The following WASF3 variants were observed in gnomAD, a reference collection of about 807,000 sequenced individuals.
WASF3 encodes WASP family member 3.
Under a neutral mutation model 46.6 loss-of-function variants are expected in WASF3, and 11 were observed. The ratio of observed to expected loss-of-function variants is 0.24; its 90% CI spans 0.15 to 0.39. The LOEUF (loss-of-function observed/expected upper bound fraction) is 0.39, where lower values mean the gene tolerates loss of function less well. WASF3 is among the 10% of genes least tolerant of loss of function. The probability of loss-of-function intolerance (pLI) is 1.00; values close to 1 mark genes in which losing one functional copy is unlikely to be tolerated. For missense variants in WASF3, 576 were observed against 669.8 expected (o/e 0.86, Z 1.55); for synonymous variants, 242 against 259.7 (o/e 0.93, Z 0.65).
chr13:26,654,077 T>A (rs1566064270), intron 3 of WASF3, among the ~76,000 whole-genome samples: 1 of 152,190 alleles, frequency 6.6e-6, no homozygotes, highest in African/African-American at 2.4e-5. Flanking sequence ...GCTGCCCTGA[T>A]GTCACTATTC....
chr13:26,667,843 A>T (rs148479716), intron 5 of WASF3, among the ~76,000 whole-genome samples, 173 bp downstream of exon 5: 3 of 152,220 alleles, frequency 2.0e-5, no homozygotes, highest in Non-Finnish European at 4.4e-5. Flanking sequence ...GAAACTACTC[A>T]TTGGTACATA....
intron 1 of WASF3, among the ~76,000 whole-genome samples, chr13:26,559,084 A>G (rs1879197968): frequency 6.6e-6 from 1 of 152,208 alleles, no homozygotes; most frequent in Non-Finnish European, 1.5e-5. Context: ...TAGTTCTTTT[A>G]TCTGCTTGAG....
Position 26,682,260 on chromosome 13 carries a change from T to G in WASF3, c.984-347T>G, listed in dbSNP as rs1883253750. On this transcript the variant is annotated intron_variant, in intron 8 of 9. Coordinates refer to ENST00000335327, the MANE Select transcript of WASF3 (RefSeq NM_006646.6). This position sits in a 1 kb window ranked among gnomAD's most constrained non-coding sequence, Gnocchi z 4.4. ...ACCTTAGGACCCTTAAAAGACAAGT[T>G]TGTGAGCTACCGCCTTGAGATCCCA... Among the ~76,000 whole-genome samples, 1 of 152,136 alleles carries G rather than the reference T, an allele frequency of 6.6e-6. No individual in the cohort carries two copies. Among genetic ancestry groups the G allele is most frequent in the South Asian group, 2.1e-4 (1 of 4,830 alleles).
chr13:26,553,127 C>T (rs1307472058), upstream of WASF3, among the ~76,000 whole-genome samples: 2 of 152,184 alleles, frequency 1.3e-5, no homozygotes, highest in South Asian at 2.1e-4. Flanking sequence ...AGCTGCATCT[C>T]ACTGCCCTGT....
At chr13:26,551,713 G>C in the WASF3 span, among the ~76,000 whole-genome samples, 1,697 of 152,310 alleles carry the variant, frequency 0.011, 23 homozygotes, top group Non-Finnish European at 0.016. Flanking sequence ...AAGGGCAGGA[G>C]GGGTATTCAG....
At chr13:26,558,887 T>G (rs1175693024) in intron 1 of WASF3, among the ~76,000 whole-genome samples, 1 of 152,206 alleles carries the variant, frequency 6.6e-6, no homozygotes, top group East Asian at 1.9e-4. Context: ...CTATTTGAAA[T>G]ATTTTGCATC....
intron 9 of WASF3, among the ~76,000 whole-genome samples, chr13:26,684,758 T>A (rs1038972481): frequency 6.6e-6 from 1 of 152,118 alleles, no homozygotes; most frequent in African/African-American, 2.4e-5. Context: ...AGGGGAAGAT[T>A]GGGAAATAAA....
chr13:26,610,651 G>A (rs1471848808), intron 1 of WASF3, among the ~76,000 whole-genome samples: 1 of 152,170 alleles, frequency 6.6e-6, no homozygotes, highest in African/African-American at 2.4e-5. Context: ...CCAGAGGTAG[G>A]AAGTTACAGG....
chr13:26,633,524 T>G (rs964501331), intron 2 of WASF3, among the ~76,000 whole-genome samples: 3 of 152,136 alleles, frequency 2.0e-5, no homozygotes, highest in Non-Finnish European at 4.4e-5. Context: ...ATTTCTTGCC[T>G]TCTGCTAGCA....
intron 1 of WASF3, among the ~76,000 whole-genome samples, chr13:26,575,218 G>A (rs1216460258): frequency 6.6e-6 from 1 of 151,962 alleles, no homozygotes; most frequent in Non-Finnish European, 1.5e-5. Flanking sequence ...ATCTGTTCAC[G>A]ATACAATCAC....
chr13:26,672,022 CA>C (rs1882938525), intron 6 of WASF3, 33 bp downstream of exon 6: 1 of 1,433,732 alleles, frequency 7.0e-7, no homozygotes, highest in Admixed American at 1.8e-5. Flanking sequence ...ATGTGCATAT[CA>C]GTGTTCAAAG....
chr13:26,672,316 C>T (rs1378659752), intron 6 of WASF3, among the ~76,000 whole-genome samples: 1 of 152,206 alleles, frequency 6.6e-6, no homozygotes, highest in Non-Finnish European at 1.5e-5. Context: ...AATGATCATG[C>T]AGCACAATGA....
intron 1 of WASF3, among the ~76,000 whole-genome samples, chr13:26,602,781 GA>G (rs896396168): frequency 2.0e-5 from 3 of 152,054 alleles, no homozygotes; most frequent in East Asian, 1.9e-4. Flanking sequence ...TGGTAATAAT[GA>G]AAAAAATACC....
At chr13:26,656,343 TAAACTCTCTTTACTTA>T (rs1566065059) in intron 3 of WASF3, among the ~76,000 whole-genome samples, 1 of 152,208 alleles carries the variant, frequency 6.6e-6, no homozygotes, top group Non-Finnish European at 1.5e-5. Context: ...TCTCTTTACC[TAAACTCTCTTTACTTA>T]AAACTCTCTT....
At chr13:26,667,954 G>A (rs530092003) in intron 5 of WASF3, among the ~76,000 whole-genome samples, 1 of 152,180 alleles carries the variant, frequency 6.6e-6, no homozygotes, top group East Asian at 1.9e-4. Flanking sequence ...GTAGAAGTGA[G>A]TAAGTTGCAT....
chr13:26,642,417 T>C lies in WASF3; in HGVS notation c.133+14T>C. 6.4e-7 allele frequency: 1 copy of C among 1,573,594 alleles called. No individual in the cohort carries two copies. Among genetic ancestry groups the C allele is most frequent in the Non-Finnish European group, 8.6e-7 (1 of 1,166,836 alleles). The stretch of plus-strand genomic sequence containing the variant: ...TGAGCAGTCTGAGTAAGCCATCTTT[T>C]TTCTGATTACCAATGACATTAACTT... On this transcript the variant is annotated intron_variant, in intron 3 of 9. Transcript: ENST00000335327.
In WASF3 at chr13:26,664,447, C is replaced by G. The variant is rs79706207; in HGVS notation, c.134-581C>G. Among the ~76,000 whole-genome samples the G allele has an allele frequency of 4.1e-4, 63 of 152,274 alleles. No individual in the cohort carries two copies. In the East Asian group the frequency reaches 0.012, roughly 28 times the overall value. ...AAAAGTGGGAGTTATATCTGGCACT[C>G]AGAGGAATGTGGAAATGAGCCACGC... On this transcript the variant is annotated intron_variant, in intron 3 of 9. Transcript: ENST00000335327.
Position 26,557,787 on chromosome 13 carries a change from C to G in WASF3, c.-141C>G, listed in dbSNP as rs1228458984. 7.2e-6 allele frequency: 2 copies of G among 278,310 alleles called. No homozygotes were observed. The highest frequency in any genetic ancestry group is 1.3e-5 in the Non-Finnish European group (2 of 150,048). 17.2% of individuals were successfully genotyped at this position (278,310 alleles called of 1,614,324 possible). On this transcript the variant is annotated 5_prime_UTR_variant, in exon 1 of 10. Coordinates refer to ENST00000335327, the MANE Select transcript of WASF3 (RefSeq NM_006646.6). ...CGGCGGGACCATGGAGCTCAGAGCG[C>G]AGCCCCGGCGCCGGCGGCGGGACCG...
chr13:26,658,537 C>T (rs1308830833), intron 3 of WASF3, among the ~76,000 whole-genome samples: 1 of 152,218 alleles, frequency 6.6e-6, no homozygotes, highest in Non-Finnish European at 1.5e-5. Context: ...GACTTTAAGA[C>T]ACCCCAAGGC....
Sources: gnomAD v4.1 joint callset for allele counts (sites outside exome capture counted in the v4.1 genomes callset) on GRCh38, gnomAD v4.1.1 for gene constraint, Gnocchi (gnomAD v3.1) non-coding constraint, MANE v1.5 for transcripts, NCBI Gene and HGNC (gene_info 2026-07-23, HGNC 2026-07-21) for gene names.